SYN3: variants seen among roughly 807,000 people sequenced by gnomAD.
SYN3 encodes synapsin-3.
Under a neutral mutation model 65.8 loss-of-function variants are expected in SYN3, and 35 were observed. The ratio of observed to expected loss-of-function variants is 0.53; its 90% CI spans 0.41 to 0.70. SYN3 has a LOEUF of 0.70. Among genes scored for constraint, SYN3 ranks in the 30% least tolerant of loss-of-function variants. SYN3 has a pLI of 0.00. For missense variants in SYN3, 680 were observed against 749.0 expected (o/e 0.91, Z 1.08); for synonymous variants, 270 against 292.9 (o/e 0.92, Z 0.80).
chr22:32,962,125 A>ATCTC (rs199839548), intron 3 of SYN3, among the ~76,000 whole-genome samples: 2 of 135,368 alleles, frequency 1.5e-5, no homozygotes, highest in African/African-American at 5.5e-5. Context: ...TACTTTTAGA[A>ATCTC]TCTCTTTTTT....
At chr22:32,958,667 T>C (rs2051545004) in intron 3 of SYN3, among the ~76,000 whole-genome samples, 1 of 152,242 alleles carries the variant, frequency 6.6e-6, no homozygotes. Flanking sequence ...TAATGAATCC[T>C]GACAGTAACC....
At chr22:33,000,666 G>A (rs2053033790) in intron 2 of SYN3, among the ~76,000 whole-genome samples, 1 of 152,196 alleles carries the variant, frequency 6.6e-6, no homozygotes, top group Non-Finnish European at 1.5e-5. Flanking sequence ...TTGGGGTTGG[G>A]GTGGGTTCAC....
intron 7 of SYN3, 94 bp from the exon 8 acceptor site, chr22:32,541,807 A>C: frequency 6.9e-7 from 1 of 1,441,210 alleles, no homozygotes; most frequent in Non-Finnish European, 9.4e-7. Flanking sequence ...ATAGACACGA[A>C]TTCCCTTCAG....
chr22:33,034,891 T>C (rs2053824343), intron 1 of SYN3, among the ~76,000 whole-genome samples: 1 of 152,050 alleles, frequency 6.6e-6, no homozygotes, highest in African/African-American at 2.4e-5. Flanking sequence ...CCCTTGTGTC[T>C]CCTCTCCTGG....
At chr22:32,744,468 G>A (rs968461225) in intron 6 of SYN3, among the ~76,000 whole-genome samples, 1 of 152,188 alleles carries the variant, frequency 6.6e-6, no homozygotes, top group African/African-American at 2.4e-5. Flanking sequence ...AACAGGCCGT[G>A]TAATAATAGC....
chr22:32,957,597 A>G (rs1052449563), intron 3 of SYN3, among the ~76,000 whole-genome samples: 1 of 152,202 alleles, frequency 6.6e-6, no homozygotes, highest in African/African-American at 2.4e-5. Context: ...TTTTGGAGCA[A>G]GCTTTGGAGC....
chr22:32,946,589 T>C (rs1171188203), intron 3 of SYN3, among the ~76,000 whole-genome samples: 2 of 152,162 alleles, frequency 1.3e-5, no homozygotes, highest in Non-Finnish European at 2.9e-5. Flanking sequence ...ATACCTAATG[T>C]AAATGATGAA....
chr22:32,554,571 C>T (rs868752878), intron 7 of SYN3, among the ~76,000 whole-genome samples: 5 of 152,188 alleles, frequency 3.3e-5, no homozygotes, highest in Non-Finnish European at 7.4e-5. Flanking sequence ...GCTCTGTAAC[C>T]GTCCTTCCAG....
intron 4 of SYN3, among the ~76,000 whole-genome samples, chr22:32,892,756 G>A (rs2049487745): frequency 1.3e-5 from 2 of 152,168 alleles, no homozygotes; most frequent in East Asian, 1.9e-4. Flanking sequence ...TAGCAAGGGA[G>A]AGGATGAAGA....
intron 7 of SYN3, among the ~76,000 whole-genome samples, chr22:32,557,907 T>A (rs1166216666): frequency 6.6e-6 from 1 of 152,248 alleles, no homozygotes; most frequent in Admixed American, 6.5e-5. Flanking sequence ...ACTTTTCATA[T>A]GTTTTGTGTA....
intron 13 of SYN3, 52 bp downstream of exon 13, chr22:32,517,991 T>G (rs2057806258): frequency 7.1e-7 from 1 of 1,408,612 alleles, no homozygotes; most frequent in Non-Finnish European, 9.3e-7. Context: ...AGCCAAGCTC[T>G]GCCTACACCC....
chr22:32,719,197 C>G (rs2061081409), intron 6 of SYN3, among the ~76,000 whole-genome samples: 1 of 152,190 alleles, frequency 6.6e-6, no homozygotes, highest in Non-Finnish European at 1.5e-5. Context: ...GTCTATTTCT[C>G]TCCTAGAATA....
chr22:32,726,497 G>T lies in SYN3; in HGVS notation c.712-129761C>A, dbSNP rs1297323980. ...GGATCCGAACTCTATATCCATATGG[G>T]CTTTACAGTGTCATGCCCACAAAAT... On this transcript the variant is annotated intron_variant, in intron 6 of 13. Transcript: ENST00000358763. 2.6e-5 allele frequency among the ~76,000 whole-genome samples: 4 copies of T among 152,272 alleles called. No homozygotes were observed. In the East Asian group the frequency reaches 7.7e-4, roughly 29 times the overall value.
rs925159788 is a variant in SYN3 at position 32,693,255 on chromosome 22, C to T, written c.712-96519G>A. On this transcript the variant is annotated intron_variant, in intron 6 of 13. Transcript: ENST00000358763. Reference sequence around the variant, plus strand: ...GCCATGATGAAGTAAAATCAAGCCCCGTGACACCACCACTGTCGATCTGAT... The same window carrying T: ...GCCATGATGAAGTAAAATCAAGCCCTGTGACACCACCACTGTCGATCTGAT... Among the ~76,000 whole-genome samples, 6 of 152,134 alleles carry T rather than the reference C, an allele frequency of 3.9e-5. No individual in the cohort carries two copies. In the South Asian group the frequency reaches 1.0e-3, roughly 26 times the overall value.
intron 4 of SYN3, 195 bp downstream of exon 4, chr22:32,931,195 A>ACAC (rs1359628541): frequency 3.9e-6 from 2 of 513,688 alleles, no homozygotes; most frequent in Non-Finnish European, 7.1e-6. Flanking sequence ...TCACTTGGGG[A>ACAC]CACCACAGGT....
At chr22:32,530,666 G>T (rs9621479) in intron 10 of SYN3, among the ~76,000 whole-genome samples, 3,032 of 151,670 alleles carry the variant, frequency 0.02, 79 homozygotes, top group African/African-American at 0.07. Flanking sequence ...GGATCTGTGA[G>T]TTTAAGCACC....
chr22:32,897,974 C>T (rs2049643938), intron 4 of SYN3, among the ~76,000 whole-genome samples: 1 of 151,988 alleles, frequency 6.6e-6, no homozygotes, highest in African/African-American at 2.4e-5. Flanking sequence ...CATGGGCCAC[C>T]ACACTCAGCT....
intron 3 of SYN3, among the ~76,000 whole-genome samples, chr22:32,954,132 C>G (rs1331524638): frequency 6.6e-6 from 1 of 151,850 alleles, no homozygotes; most frequent in Non-Finnish European, 1.5e-5. Flanking sequence ...CAAAACAAAA[C>G]AAAACAAAAC....
At position 32,706,942 on chromosome 22, in the gene SYN3, C is replaced by T. The variant is rs1413219233; in HGVS notation, c.712-110206G>A. 2.6e-5 allele frequency among the ~76,000 whole-genome samples: 4 copies of T among 152,130 alleles called. No individual in the cohort carries two copies. In the East Asian group the frequency reaches 7.7e-4, roughly 29 times the overall value. On this transcript the variant is annotated intron_variant, in intron 6 of 13. Transcript: ENST00000358763. ...GGGCAGGACATTTCTCTCTGCCTGC[C>T]CACCTCCCCTCCCCAAGAGACCATC... is the stretch of plus-strand genomic sequence containing the variant.
Sources: gnomAD v4.1 joint callset for allele counts (sites outside exome capture counted in the v4.1 genomes callset) on GRCh38, gnomAD v4.1.1 for gene constraint, MANE v1.5 for transcripts, NCBI Gene and HGNC (gene_info 2026-07-23, HGNC 2026-07-21) for gene names.